The following ATP8A2 variants were observed in gnomAD, a reference collection of about 807,000 sequenced individuals.
ATP8A2 encodes the protein phospholipid-transporting ATPase IB.
A neutral mutation model predicts 165.6 loss-of-function variants in ATP8A2; 100 were observed. The ratio of observed to expected loss-of-function variants is 0.60; its 90% confidence interval spans 0.51 to 0.71. The LOEUF is 0.71. Ranked by LOEUF, ATP8A2 falls within the 30% of genes least tolerant of loss-of-function variation. The probability of loss-of-function intolerance (pLI) is 0.00; values close to 1 mark genes in which losing one functional copy is unlikely to be tolerated. For synonymous variants in ATP8A2, 543 were observed against 548.8 expected (o/e 0.99, Z 0.15); for missense variants, 1,227 against 1,479.5 (o/e 0.83, Z 2.80).
At position 26,021,395 on chromosome 13, in the gene ATP8A2, C is replaced by T. The variant is rs1957080079; in HGVS notation, c.*1410C>T. 1 of 152,200 alleles carries T rather than the reference C, an allele frequency of 6.6e-6. No homozygotes were observed. The highest frequency in any genetic ancestry group is 2.4e-5 in the African/African-American group (1 of 41,448). The allele number at this position is 152,200 out of a possible 1,614,324, so 9.4% of individuals were successfully genotyped here. On this transcript the variant is annotated 3_prime_UTR_variant, in exon 37 of 37. Coordinates refer to ENST00000381655, the MANE Select transcript of ATP8A2 (RefSeq NM_016529.6). ...AATTCCAAACATTTCAGGGAAACAC[C>T]TTTTTAAAAAATATACTGACATGGT...
chr13:25,868,212 C>G (rs1455141130), intron 33 of ATP8A2: 2 of 436,866 alleles, frequency 4.6e-6, no homozygotes, highest in Non-Finnish European at 9.2e-6. Flanking sequence ...CTCAAAGTTA[C>G]AGATTGGTTT....
At chr13:25,388,848 C>A (rs1393313424) in intron 1 of ATP8A2, among the ~76,000 whole-genome samples, 3 of 152,224 alleles carry the variant, frequency 2.0e-5, no homozygotes, top group Non-Finnish European at 4.4e-5. Context: ...GGGGTGAGGG[C>A]AGGTGTGCAT....
intron 34 of ATP8A2, among the ~76,000 whole-genome samples, chr13:25,965,567 T>C (rs553413994): frequency 6.6e-6 from 1 of 152,358 alleles, no homozygotes; most frequent in South Asian, 2.1e-4. Context: ...GAAGTTTAAA[T>C]TGCCCAGAAC....
intron 2 of ATP8A2, among the ~76,000 whole-genome samples, chr13:25,471,330 C>A: frequency 6.7e-6 from 1 of 148,178 alleles, no homozygotes; most frequent in African/African-American, 2.5e-5. Flanking sequence ...TGTCTAAATT[C>A]TTTTGTTTTA....
At chr13:25,867,793 A>C (rs1952553711) in intron 33 of ATP8A2, 1 of 165,662 alleles carries the variant, frequency 6.0e-6, no homozygotes, top group Non-Finnish European at 1.3e-5. Context: ...CATCTGAACC[A>C]TGTGGGTGCT....
At chr13:25,601,024 T>G (rs945979273) in intron 24 of ATP8A2, among the ~76,000 whole-genome samples, 7 of 152,150 alleles carry the variant, frequency 4.6e-5, no homozygotes, top group Non-Finnish European at 8.8e-5. Context: ...AGAGTGACCA[T>G]GAACATCTCG....
At chr13:25,809,565 A>G (rs1308617381) in intron 27 of ATP8A2, among the ~76,000 whole-genome samples, 1 of 151,918 alleles carries the variant, frequency 6.6e-6, no homozygotes, top group Non-Finnish European at 1.5e-5. Context: ...CTCCAGCTGT[A>G]TTGCCCTCTT....
intron 25 of ATP8A2, among the ~76,000 whole-genome samples, chr13:25,748,581 G>A (rs1036064602): frequency 2.0e-5 from 3 of 152,194 alleles, no homozygotes; most frequent in African/African-American, 7.2e-5. Context: ...ATTGTTTAGT[G>A]CAGAACGCGG....
At chr13:25,555,354 A>T (rs953221269) in intron 13 of ATP8A2, among the ~76,000 whole-genome samples, 11 of 152,220 alleles carry the variant, frequency 7.2e-5, no homozygotes, top group African/African-American at 2.4e-4. Context: ...CGCTTAAAAA[A>T]GTGTTATCAG....
chr13:25,797,970 T>C (rs548792761), intron 27 of ATP8A2, among the ~76,000 whole-genome samples: 2 of 152,364 alleles, frequency 1.3e-5, no homozygotes, highest in South Asian at 4.1e-4. Flanking sequence ...AAGAGATAAG[T>C]GAATCTTAAA....
chr13:25,729,699 T>C (rs908442436), intron 25 of ATP8A2, among the ~76,000 whole-genome samples: 3 of 152,108 alleles, frequency 2.0e-5, no homozygotes, highest in Non-Finnish European at 2.9e-5. Flanking sequence ...CACTCCTTTT[T>C]AAGATGACTT....
intron 25 of ATP8A2, among the ~76,000 whole-genome samples, chr13:25,707,924 A>T (rs1283482903): frequency 6.6e-6 from 1 of 152,146 alleles, no homozygotes; most frequent in Non-Finnish European, 1.5e-5. Flanking sequence ...AACTATGGTA[A>T]TAGGGTCTGT....
At chr13:25,575,167 G>C (rs2138202399) in intron 19 of ATP8A2, among the ~76,000 whole-genome samples, 1 of 152,274 alleles carries the variant, frequency 6.6e-6, no homozygotes, top group African/African-American at 2.4e-5. Flanking sequence ...TGGAGCATGT[G>C]ATGGGGGCAT....
chr13:25,844,626 T>C (rs1424897924), intron 30 of ATP8A2, among the ~76,000 whole-genome samples: 1 of 152,180 alleles, frequency 6.6e-6, no homozygotes, highest in Non-Finnish European at 1.5e-5. Flanking sequence ...ACTAGGGCAC[T>C]GTCAAAGCTG....
At chr13:25,709,345 A>G (rs1252314208) in intron 25 of ATP8A2, among the ~76,000 whole-genome samples, 1 of 152,226 alleles carries the variant, frequency 6.6e-6, no homozygotes, top group Non-Finnish European at 1.5e-5. Flanking sequence ...CTGCCTGTCA[A>G]TCATTTGTGC....
intron 25 of ATP8A2, among the ~76,000 whole-genome samples, chr13:25,707,717 T>C (rs1441054598): frequency 6.6e-6 from 1 of 152,226 alleles, no homozygotes; most frequent in Non-Finnish European, 1.5e-5. Flanking sequence ...TGGAGTTTTT[T>C]TGGCTTATAA....
intron 27 of ATP8A2, among the ~76,000 whole-genome samples, chr13:25,814,033 G>A (rs1950945613): frequency 6.6e-6 from 1 of 151,772 alleles, no homozygotes; most frequent in South Asian, 2.1e-4. Flanking sequence ...CTTGGGACCT[G>A]CCCACCTTTC....
intron 1 of ATP8A2, among the ~76,000 whole-genome samples, chr13:25,445,432 G>C (rs950148009): frequency 2.6e-5 from 4 of 152,146 alleles, no homozygotes; most frequent in Non-Finnish European, 4.4e-5. Context: ...CTGCCCTGGA[G>C]GATCAGTGAA....
chr13:25,505,452 C>T (rs140536408), intron 2 of ATP8A2, among the ~76,000 whole-genome samples: 60 of 152,258 alleles, frequency 3.9e-4, no homozygotes, highest in African/African-American at 1.3e-3. Context: ...AACTGTTATA[C>T]GTGTTAAAGT....
Sources: allele counts gnomAD v4.1 joint callset (sites outside exome capture counted in the v4.1 genomes callset), GRCh38; gene constraint gnomAD v4.1.1; transcripts MANE v1.5; gene names NCBI Gene and HGNC (gene_info 2026-07-23, HGNC 2026-07-21).